PPP3CB: variants seen among roughly 807,000 people sequenced by gnomAD.
PPP3CB encodes protein phosphatase 3 catalytic subunit beta.
A neutral mutation model predicts 66.4 loss-of-function variants in PPP3CB; 8 were observed. The observed-to-expected ratio is 0.12, with a 90% CI of 0.07 to 0.22. The LOEUF is 0.22. Ranked by LOEUF, PPP3CB falls within the 10% of genes least tolerant of loss-of-function variation. The pLI, the probability that PPP3CB is intolerant of heterozygous loss-of-function variation, is 1.00. For missense variants in PPP3CB, 319 were observed against 642.5 expected, an observed-to-expected ratio of 0.50 and a Z score of 5.44; for synonymous variants, 208 against 221.2, an observed-to-expected ratio of 0.94 and a Z score of 0.53.
intron 1 of PPP3CB, among the ~76,000 whole-genome samples, chr10:73,480,758 T>C (rs2056862437): frequency 6.6e-6 from 1 of 152,130 alleles, no homozygotes; most frequent in Non-Finnish European, 1.5e-5. Flanking sequence ...CCCTACAAAT[T>C]TAACCAAAAG....
At chr10:73,470,863 G>A in intron 7 of PPP3CB, 24 bp downstream of exon 7, 1 of 1,599,476 alleles carries the variant, frequency 6.3e-7, no homozygotes, top group Non-Finnish European at 8.6e-7. Flanking sequence ...GTGTTAATTT[G>A]GGTCAGGGAA....
chr10:73,452,552 T>C (rs1244960570), intron 10 of PPP3CB, among the ~76,000 whole-genome samples: 1 of 151,890 alleles, frequency 6.6e-6, no homozygotes, highest in Admixed American at 6.6e-5. Context: ...AAAAATTAGC[T>C]GGGCGTGATG....
chr10:73,461,213 G>A lies in PPP3CB; in HGVS notation c.1108+6340C>T, dbSNP rs542396224. 4.6e-5 allele frequency among the ~76,000 whole-genome samples: 7 copies of A among 152,342 alleles called. No individual in the cohort carries two copies. In the East Asian group the frequency reaches 5.8e-4, roughly 13 times the overall value. ...CTTAATCCCAGCACTTTGGGAGGTC[G>A]AGGTGCATGGATCACTTGAGCTCAG... On this transcript the variant is annotated intron_variant, in intron 9 of 13. Transcript: ENST00000360663.
In PPP3CB at chr10:73,479,995, CA is replaced by C. The variant is rs374889150; in HGVS notation, c.86-479del. Among the ~76,000 whole-genome samples the C allele has an allele frequency of 9.2e-4, 140 of 151,552 alleles. 3 individuals carry two copies. In the East Asian group the frequency reaches 0.023, roughly 25 times the overall value. ...TGGGCAACACAGCGAGACACCATCT[CA>C]AAAAAAACCCCACAACACTTTAATA... On this transcript the variant is annotated intron_variant, in intron 1 of 13. Coordinates refer to ENST00000360663, the MANE Select transcript of PPP3CB (RefSeq NM_021132.4).
chr10:73,476,620 TAA>T (rs1296984557), intron 3 of PPP3CB, among the ~76,000 whole-genome samples: 63 of 122,122 alleles, frequency 5.2e-4, no homozygotes, highest in Admixed American at 6.6e-4. Context: ...CCATCTCAAT[TAA>T]AAAAAAAAAA....
intron 1 of PPP3CB, among the ~76,000 whole-genome samples, chr10:73,482,862 C>A (rs945437563): frequency 6.6e-6 from 1 of 152,140 alleles, no homozygotes; most frequent in Non-Finnish European, 1.5e-5. Context: ...AGGTGATCCG[C>A]CTGCCTTGGC....
chr10:73,480,906 A>G (rs899541211), intron 1 of PPP3CB, among the ~76,000 whole-genome samples: 2 of 152,218 alleles, frequency 1.3e-5, no homozygotes, highest in African/African-American at 2.4e-5. Flanking sequence ...ATCTATTTCA[A>G]TGGCATCTAA....
intron 1 of PPP3CB, among the ~76,000 whole-genome samples, chr10:73,490,750 C>T (rs2057058683): frequency 6.6e-6 from 1 of 152,062 alleles, no homozygotes; most frequent in African/African-American, 2.4e-5. Flanking sequence ...CCCTCTCACC[C>T]CATCCCCTCA....
At position 73,486,099 on chromosome 10, in the gene PPP3CB, C is replaced by T. The variant is rs140062382; in HGVS notation, c.86-6582G>A. 3.8e-3 allele frequency among the ~76,000 whole-genome samples: 579 copies of T among 151,870 alleles called. 27 individuals carry two copies. In the East Asian group the frequency reaches 0.1, roughly 26 times the overall value. ...CAGCTGGGATTACAGGCGTGCACCA[C>T]CATGCCCGGCTAATCTTTGTATTTT... On this transcript the variant is annotated intron_variant, in intron 1 of 13. Coordinates refer to ENST00000360663, the MANE Select transcript of PPP3CB (RefSeq NM_021132.4).
chr10:73,490,127 T>C (rs1383371723), intron 1 of PPP3CB, among the ~76,000 whole-genome samples: 2 of 152,192 alleles, frequency 1.3e-5, no homozygotes, highest in Non-Finnish European at 2.9e-5. Context: ...ACAAAGCTGG[T>C]ACTCAATAAA....
intron 12 of PPP3CB, 61 bp downstream of exon 12, chr10:73,444,664 G>C (rs1446453424): frequency 1.2e-6 from 2 of 1,607,630 alleles, no homozygotes; most frequent in Admixed American, 1.7e-5. Context: ...TGAATTGTTA[G>C]CAAAAGAGTG....
chr10:73,482,439 A>G (rs1391624520), intron 1 of PPP3CB, among the ~76,000 whole-genome samples: 1 of 144,942 alleles, frequency 6.9e-6, no homozygotes, highest in East Asian at 2.3e-4. Flanking sequence ...GCTACTCGGG[A>G]GGCTGAGGCA....
intron 4 of PPP3CB, among the ~76,000 whole-genome samples, chr10:73,472,470 G>T (rs1170659181): frequency 7.3e-5 from 11 of 151,412 alleles, no homozygotes; most frequent in African/African-American, 2.7e-4. Context: ...ACTCCAGCCT[G>T]GGCGACAGAG....
chr10:73,466,952 G>C (rs1253783343), intron 9 of PPP3CB: 1 of 151,964 alleles, frequency 6.6e-6, no homozygotes, highest in African/African-American at 2.4e-5. Context: ...ATGAAACACA[G>C]AAACAGAATT....
chr10:73,467,735 C>A, intron 8 of PPP3CB, 57 bp from the exon 9 acceptor site: 4 of 1,425,728 alleles, frequency 2.8e-6, no homozygotes, highest in East Asian at 2.5e-5. Flanking sequence ...TTGTCATTAG[C>A]CTTAAAAATA....
chr10:73,459,036 C>T (rs1341287119), intron 9 of PPP3CB, among the ~76,000 whole-genome samples: 1 of 151,808 alleles, frequency 6.6e-6, no homozygotes, highest in Non-Finnish European at 1.5e-5. Context: ...CACCATTGCA[C>T]CCTAGCATGG....
chr10:73,491,367 G>C (rs1289632007), intron 1 of PPP3CB, among the ~76,000 whole-genome samples: 1 of 151,736 alleles, frequency 6.6e-6, no homozygotes, highest in Non-Finnish European at 1.5e-5. Flanking sequence ...GTTTCACCAT[G>C]TTGGCCAGGC....
chr10:73,484,759 G>C (rs1413275172), intron 1 of PPP3CB, among the ~76,000 whole-genome samples: 2 of 151,860 alleles, frequency 1.3e-5, no homozygotes, highest in Admixed American at 6.6e-5. Context: ...AACCTAAAGA[G>C]CTACAAAATC....
chr10:73,484,704 T>TA (rs1437713743), intron 1 of PPP3CB, among the ~76,000 whole-genome samples: 11 of 152,222 alleles, frequency 7.2e-5, no homozygotes, highest in African/African-American at 1.9e-4. Context: ...ATAAATGCAA[T>TA]ATAAATAGTC....
Sources: gnomAD v4.1 joint callset for allele counts (sites outside exome capture counted in the v4.1 genomes callset) on GRCh38, gnomAD v4.1.1 for gene constraint, MANE v1.5 for transcripts, NCBI Gene and HGNC (gene_info 2026-07-23, HGNC 2026-07-21) for gene names.